TAFA1: variants seen among roughly 807,000 people sequenced by gnomAD.
TAFA1 encodes chemokine-like protein TAFA-1.
Under a neutral mutation model 18.5 loss-of-function variants are expected in TAFA1, and 4 were observed. The observed-to-expected ratio is 0.22, with a 90% CI of 0.11 to 0.49. The LOEUF (loss-of-function observed/expected upper bound fraction) is 0.49. TAFA1 is among the 20% of genes least tolerant of loss of function. The probability of loss-of-function intolerance (pLI) is 0.98; values close to 1 mark genes in which losing one functional copy is unlikely to be tolerated. For missense variants in TAFA1, 147 were observed against 169.0 expected, an observed-to-expected ratio of 0.87 and a Z score of 0.72; for synonymous variants, 56 against 55.2, an observed-to-expected ratio of 1.01 and a Z score of -0.06.
rs566684044 is a variant in TAFA1, at chr3:68,521,792, ATTTG to A, written c.260-16959_260-16956del. 3.2e-3 allele frequency among the ~76,000 whole-genome samples: 475 copies of A among 150,062 alleles called. 2 individuals are homozygous for A. Among genetic ancestry groups the A allele is most frequent in the African/African-American group, 0.011 (450 of 40,676 alleles). ...CTATAGACAGTTTGGGAAAAGTGAA[ATTTG>A]TTTGCTTATGTTGTGACAGAAACAT... On this transcript the variant is annotated intron_variant, in intron 3 of 4. Coordinates refer to ENST00000478136, the MANE Select transcript of TAFA1 (RefSeq NM_213609.4).
intron 2 of TAFA1, among the ~76,000 whole-genome samples, chr3:68,196,662 G>A (rs2066414218): frequency 6.6e-6 from 1 of 151,588 alleles, no homozygotes; most frequent in African/African-American, 2.4e-5. Context: ...ATTTGTGATT[G>A]GAACCAAGGC....
At chr3:68,316,993 C>T (rs1447427841) in intron 2 of TAFA1, among the ~76,000 whole-genome samples, 1 of 151,802 alleles carries the variant, frequency 6.6e-6, no homozygotes, top group Non-Finnish European at 1.5e-5. Context: ...TTTTTGATAG[C>T]AGTATATGAG....
chr3:68,314,934 A>G (rs1019857310), intron 2 of TAFA1, among the ~76,000 whole-genome samples: 3 of 148,862 alleles, frequency 2.0e-5, no homozygotes, highest in Admixed American at 6.7e-5. Flanking sequence ...TATATATAAT[A>G]TTAATATTTA....
intron 2 of TAFA1, among the ~76,000 whole-genome samples, chr3:68,158,724 C>T (rs752427967): frequency 6.6e-6 from 1 of 151,910 alleles, no homozygotes; most frequent in Admixed American, 6.6e-5. Flanking sequence ...TTTTTTGGAT[C>T]CTTTGCCATT....
chr3:68,263,331 C>T (rs2067473256), intron 2 of TAFA1, among the ~76,000 whole-genome samples: 2 of 151,982 alleles, frequency 1.3e-5, no homozygotes, highest in Admixed American at 6.6e-5. Context: ...AGACTAGTCT[C>T]ATCCTTATAT....
chr3:68,400,275 C>A (rs2070462089), intron 2 of TAFA1, among the ~76,000 whole-genome samples: 1 of 152,126 alleles, frequency 6.6e-6, no homozygotes, highest in Non-Finnish European at 1.5e-5. Flanking sequence ...ATTTCATCTA[C>A]ATATAGTAAT....
intron 2 of TAFA1, among the ~76,000 whole-genome samples, chr3:68,333,298 G>T (rs1349041235): frequency 6.6e-6 from 1 of 152,138 alleles, no homozygotes; most frequent in Non-Finnish European, 1.5e-5. Context: ...ATACACCATG[G>T]AATACTACTG....
At chr3:68,179,638 C>T (rs2066170328) in intron 2 of TAFA1, among the ~76,000 whole-genome samples, 1 of 152,170 alleles carries the variant, frequency 6.6e-6, no homozygotes, top group African/African-American at 2.4e-5. Flanking sequence ...CCCTGGAGAA[C>T]ACTGAAAATG....
intron 2 of TAFA1, among the ~76,000 whole-genome samples, chr3:68,048,020 G>C (rs1034803937): frequency 2.6e-5 from 4 of 152,196 alleles, no homozygotes; most frequent in South Asian, 4.1e-4. Context: ...CTTAATTGTA[G>C]AGAAATCAAC....
chr3:68,425,573 T>G (rs2071036455), intron 3 of TAFA1, among the ~76,000 whole-genome samples: 1 of 151,766 alleles, frequency 6.6e-6, no homozygotes, highest in African/African-American at 2.4e-5. Flanking sequence ...CATGTACAGG[T>G]GTGTGAGAGA....
At chr3:68,341,882 G>A (rs775154363) in intron 2 of TAFA1, among the ~76,000 whole-genome samples, 2 of 152,220 alleles carry the variant, frequency 1.3e-5, no homozygotes, top group Non-Finnish European at 2.9e-5. Flanking sequence ...GAGCTTGATA[G>A]GGAAAATTGG....
chr3:68,195,389 G>A (rs2066398099), intron 2 of TAFA1, among the ~76,000 whole-genome samples: 2 of 147,248 alleles, frequency 1.4e-5, no homozygotes, highest in Admixed American at 1.4e-4. Flanking sequence ...GTTTGAGTTT[G>A]AGGACTTCTT....
chr3:68,081,621 G>T (rs934838813), intron 2 of TAFA1, among the ~76,000 whole-genome samples: 2 of 152,216 alleles, frequency 1.3e-5, no homozygotes, highest in Non-Finnish European at 2.9e-5. Flanking sequence ...CAGTTAGGCT[G>T]CTCGGGGGTC....
intron 2 of TAFA1, among the ~76,000 whole-genome samples, chr3:68,300,448 A>G (rs2068282462): frequency 6.6e-6 from 1 of 152,192 alleles, no homozygotes; most frequent in African/African-American, 2.4e-5. Context: ...TCTTGGAAGT[A>G]ACTAAATTGC....
At chr3:68,139,905 T>C (rs534964621) in intron 2 of TAFA1, among the ~76,000 whole-genome samples, 61 of 152,198 alleles carry the variant, frequency 4.0e-4, no homozygotes, top group Admixed American at 1.4e-3. Context: ...TGATATTGGG[T>C]AATGTCAAAG....
At chr3:68,435,194 C>T (rs959912804) in intron 3 of TAFA1, among the ~76,000 whole-genome samples, 3 of 152,022 alleles carry the variant, frequency 2.0e-5, no homozygotes, top group African/African-American at 4.8e-5. Flanking sequence ...AGGATGGGAT[C>T]GAATGTCCAT....
At chr3:68,281,334 C>G (rs1475180285) in intron 2 of TAFA1, among the ~76,000 whole-genome samples, 2 of 151,936 alleles carry the variant, frequency 1.3e-5, no homozygotes, top group African/African-American at 2.4e-5. Flanking sequence ...TTGAGATTAT[C>G]TTTATACCAT....
At chr3:68,347,979 A>G (rs1363596533) in intron 2 of TAFA1, among the ~76,000 whole-genome samples, 2 of 152,156 alleles carry the variant, frequency 1.3e-5, no homozygotes, top group Admixed American at 1.3e-4. Flanking sequence ...AAAGGCAACC[A>G]AAATCAGTGA....
chr3:68,130,532 C>A (rs2065523424), intron 2 of TAFA1, among the ~76,000 whole-genome samples: 1 of 152,196 alleles, frequency 6.6e-6, no homozygotes, highest in Admixed American at 6.5e-5. Context: ...AATTACTCTC[C>A]ACAGCACAGC....
Sources: gnomAD v4.1 joint callset for allele counts (sites outside exome capture counted in the v4.1 genomes callset) on GRCh38, gnomAD v4.1.1 for gene constraint, MANE v1.5 for transcripts, NCBI Gene and HGNC (gene_info 2026-07-23, HGNC 2026-07-21) for gene names.